CA10: variants seen among roughly 807,000 people sequenced by gnomAD.
The protein encoded by CA10 is carbonic anhydrase-related protein 10.
A neutral mutation model predicts 44.2 loss-of-function variants in CA10; 14 were observed. That is an observed-to-expected ratio of 0.32 (90% confidence interval 0.21 to 0.50). CA10 has a LOEUF of 0.50. Among genes scored for constraint, CA10 ranks in the 20% least tolerant of loss-of-function variants. CA10 has a pLI of 0.99. For missense variants in CA10, 350 were observed against 409.7 expected, an observed-to-expected ratio of 0.85 and a Z score of 1.26; for synonymous variants, 159 against 141.6, an observed-to-expected ratio of 1.12 and a Z score of -0.87.
intron 3 of CA10, among the ~76,000 whole-genome samples, chr17:51,831,680 A>AGCGGCAGCGGCAGCAGCGGCAGCG (rs1567854508): frequency 1.3e-4 from 6 of 47,116 alleles, no homozygotes; most frequent in South Asian, 1.2e-3. Context: ...CAGCAGCAGC[A>AGCGGCAGCGGCAGCAGCGGCAGCG]GCAGCAGCAG....
chr17:52,130,206 G>A (rs979853747), intron 1 of CA10, among the ~76,000 whole-genome samples: 4 of 152,134 alleles, frequency 2.6e-5, no homozygotes, highest in Non-Finnish European at 5.9e-5. Flanking sequence ...CTGTTGGTGA[G>A]AATGCAAATT....
chr17:51,721,822 A>G (rs1916360035), intron 4 of CA10, among the ~76,000 whole-genome samples: 1 of 152,170 alleles, frequency 6.6e-6, no homozygotes, highest in South Asian at 2.1e-4. Flanking sequence ...TATTCTGCAT[A>G]TTCCTCGCCC....
chr17:52,138,533 A>C (rs1339009899), intron 1 of CA10, among the ~76,000 whole-genome samples: 2 of 152,226 alleles, frequency 1.3e-5, no homozygotes, highest in African/African-American at 4.8e-5. Flanking sequence ...GGATGCAGGC[A>C]TGTGACTGAA....
In CA10 at chr17:51,839,590, A is replaced by G. The variant is rs115045335; in HGVS notation, c.279+91400T>C. Among the ~76,000 whole-genome samples, 283 of 149,780 alleles carry G rather than the reference A, an allele frequency of 1.9e-3. 2 individuals carry two copies. Among genetic ancestry groups the G allele is most frequent in the African/African-American group, 6.6e-3 (271 of 40,908 alleles). ...AATGAAGTAAAAAATTCATTGATTG[A>G]TTCCTCAGATATTAGGTAAGTACTC... is the stretch of plus-strand genomic sequence containing the variant. On this transcript the variant is annotated intron_variant, in intron 3 of 8. Transcript: ENST00000451037.
chr17:51,989,405 G>A (rs1364420810), intron 2 of CA10, among the ~76,000 whole-genome samples: 2 of 152,012 alleles, frequency 1.3e-5, no homozygotes, highest in Non-Finnish European at 2.9e-5. Flanking sequence ...TTATAAGTGA[G>A]AACATGTGGT....
intron 4 of CA10, among the ~76,000 whole-genome samples, chr17:51,698,950 T>C (rs540026228): frequency 4.4e-4 from 67 of 152,298 alleles, no homozygotes; most frequent in African/African-American, 1.5e-3. Context: ...ATGAACATTA[T>C]GTTGTTTCTA....
intron 3 of CA10, among the ~76,000 whole-genome samples, chr17:51,783,605 G>A (rs1000735088): frequency 6.6e-6 from 1 of 151,616 alleles, no homozygotes; most frequent in Non-Finnish European, 1.5e-5. Context: ...AAAGAAGAAG[G>A]AAAAAAAGAA....
At chr17:51,850,358 C>T (rs889088141) in intron 3 of CA10, among the ~76,000 whole-genome samples, 5 of 152,134 alleles carry the variant, frequency 3.3e-5, no homozygotes, top group African/African-American at 7.2e-5. Context: ...AATAATCCAC[C>T]GAACTTACAA....
intron 3 of CA10, among the ~76,000 whole-genome samples, chr17:51,870,448 A>G (rs1979750212): frequency 6.6e-6 from 1 of 152,242 alleles, no homozygotes; most frequent in Non-Finnish European, 1.5e-5. Flanking sequence ...GTCAAATCAA[A>G]TAAGTCCATC....
At chr17:52,001,561 A>G (rs1295840225) in intron 2 of CA10, among the ~76,000 whole-genome samples, 1 of 151,878 alleles carries the variant, frequency 6.6e-6, no homozygotes, top group Non-Finnish European at 1.5e-5. Context: ...AAGTAACTAT[A>G]GGGAAGTTTT....
intron 4 of CA10, among the ~76,000 whole-genome samples, chr17:51,668,158 T>C: frequency 6.6e-6 from 1 of 152,152 alleles, no homozygotes; most frequent in East Asian, 1.9e-4. Context: ...AAGGTCTTTA[T>C]CCCTTGGGTA....
At chr17:51,890,306 C>T (rs1029250930) in intron 3 of CA10, among the ~76,000 whole-genome samples, 12 of 152,162 alleles carry the variant, frequency 7.9e-5, no homozygotes, top group African/African-American at 2.7e-4. Context: ...CAGACCATGA[C>T]ATCTGCAGAT....
At chr17:52,130,306 T>G (rs1989206268) in intron 1 of CA10, among the ~76,000 whole-genome samples, 1 of 152,202 alleles carries the variant, frequency 6.6e-6, no homozygotes, top group Admixed American at 6.5e-5. Flanking sequence ...CTTCTAGGTG[T>G]ATATCCAGAG....
At chr17:51,735,746 C>G (rs1250364710) in intron 4 of CA10, among the ~76,000 whole-genome samples, 1 of 151,832 alleles carries the variant, frequency 6.6e-6, no homozygotes, top group Non-Finnish European at 1.5e-5. Flanking sequence ...TGATGGTCAT[C>G]CAAATCTATA....
intron 2 of CA10, among the ~76,000 whole-genome samples, chr17:51,976,361 T>G (rs1984461506): frequency 6.6e-6 from 1 of 152,184 alleles, no homozygotes; most frequent in Non-Finnish European, 1.5e-5. Context: ...TCAAGATAGA[T>G]CATCTACTAG....
intron 3 of CA10, among the ~76,000 whole-genome samples, chr17:51,777,862 G>T (rs182124335): frequency 2.0e-5 from 3 of 152,272 alleles, no homozygotes; most frequent in Non-Finnish European, 4.4e-5. Context: ...AGCCTGGGAG[G>T]TTGAGGCTGT....
At chr17:51,880,323 T>C (rs988177905) in intron 3 of CA10, among the ~76,000 whole-genome samples, 1 of 152,210 alleles carries the variant, frequency 6.6e-6, no homozygotes, top group Non-Finnish European at 1.5e-5. Flanking sequence ...TTCTTTTTTT[T>C]TGAGGCAGGG....
At chr17:51,663,672 G>A (rs1218999620) in intron 4 of CA10, among the ~76,000 whole-genome samples, 1 of 152,166 alleles carries the variant, frequency 6.6e-6, no homozygotes, top group Non-Finnish European at 1.5e-5. Context: ...CAAATGCAGT[G>A]CCTGGCACAA....
chr17:51,799,985 C>T (rs2143715180), intron 3 of CA10, among the ~76,000 whole-genome samples: 1 of 152,254 alleles, frequency 6.6e-6, no homozygotes, highest in African/African-American at 2.4e-5. Flanking sequence ...ATAGAGTTAC[C>T]TTTTGATACA....
Sources: gnomAD v4.1 joint callset for allele counts (sites outside exome capture counted in the v4.1 genomes callset) on GRCh38, gnomAD v4.1.1 for gene constraint, MANE v1.5 for transcripts, NCBI Gene and HGNC (gene_info 2026-07-23, HGNC 2026-07-21) for gene names.